GLG1: variants seen among roughly 807,000 people sequenced by gnomAD.
The protein encoded by GLG1 is golgi glycoprotein 1, also known as Golgi apparatus protein 1.
A neutral mutation model predicts 160.5 loss-of-function variants in GLG1; 38 were observed. The ratio of observed to expected loss-of-function variants is 0.24; its 90% CI spans 0.18 to 0.31. The LOEUF (loss-of-function observed/expected upper bound fraction) is 0.31, where lower values mean the gene tolerates loss of function less well. Ranked by LOEUF, GLG1 falls within the 10% of genes least tolerant of loss-of-function variation. The pLI, the probability that GLG1 is intolerant of heterozygous loss-of-function variation, is 1.00. For synonymous variants in GLG1, 644 were observed against 543.4 expected (o/e 1.19, Z -2.57); for missense variants, 1,373 against 1,505.2 (o/e 0.91, Z 1.45).
intron 2 of GLG1, among the ~76,000 whole-genome samples, chr16:74,509,222 G>A (rs999869029): frequency 4.2e-5 from 6 of 143,112 alleles, no homozygotes; most frequent in Non-Finnish European, 9.0e-5. Context: ...GCCCAGGCTG[G>A]AGTGCAACGG....
chr16:74,591,472 C>CA (rs1179808979), intron 1 of GLG1, among the ~76,000 whole-genome samples: 1 of 151,256 alleles, frequency 6.6e-6, no homozygotes, highest in Admixed American at 6.6e-5. Flanking sequence ...ACTAAAAATA[C>CA]AAAAAAATAG....
chr16:74,531,831 T>C (rs368020749), intron 2 of GLG1, among the ~76,000 whole-genome samples: 126 of 152,344 alleles, frequency 8.3e-4, no homozygotes, highest in African/African-American at 3.0e-3. Context: ...GAGAAAACTT[T>C]AAAACAGGAA....
At chr16:74,505,603 C>T (rs1220521192) in intron 3 of GLG1, among the ~76,000 whole-genome samples, 2 of 152,310 alleles carry the variant, frequency 1.3e-5, no homozygotes, top group East Asian at 3.9e-4. Flanking sequence ...GCCTGTAATC[C>T]TAGCACTTTG....
chr16:74,513,985 G>A (rs149094098), intron 2 of GLG1, among the ~76,000 whole-genome samples: 45 of 152,240 alleles, frequency 3.0e-4, no homozygotes, highest in Admixed American at 9.2e-4. Flanking sequence ...CGAGAACTTC[G>A]TGAAGCATAC....
At chr16:74,560,535 G>A (rs2018483143) in intron 1 of GLG1, among the ~76,000 whole-genome samples, 2 of 152,110 alleles carry the variant, frequency 1.3e-5, no homozygotes, top group East Asian at 1.9e-4. Flanking sequence ...GTAGAGATGG[G>A]TTTCAGCATG....
chr16:74,524,173 C>T (rs182980172), intron 2 of GLG1, among the ~76,000 whole-genome samples: 2 of 152,242 alleles, frequency 1.3e-5, no homozygotes, highest in Admixed American at 6.5e-5. Context: ...TGAGCCACTA[C>T]ACTCCAGCCT....
At chr16:74,520,403 G>A (rs1277516130) in intron 2 of GLG1, among the ~76,000 whole-genome samples, 1 of 152,160 alleles carries the variant, frequency 6.6e-6, no homozygotes, top group African/African-American at 2.4e-5. Flanking sequence ...TTGGGAGGCC[G>A]AGGTGTGTGG....
chr16:74,500,102 A>G (rs1341831509), intron 4 of GLG1, among the ~76,000 whole-genome samples: 1 of 152,206 alleles, frequency 6.6e-6, no homozygotes, highest in African/African-American at 2.4e-5. Context: ...AGGGTATTTC[A>G]GGAGTTCCTC....
chr16:74,528,205 T>C (rs956326391), intron 2 of GLG1, among the ~76,000 whole-genome samples: 6 of 152,036 alleles, frequency 3.9e-5, no homozygotes, highest in African/African-American at 1.4e-4. Flanking sequence ...TTCACCATGT[T>C]GGCCAGGCTG....
chr16:74,601,011 G>A (rs1425731447), intron 1 of GLG1, among the ~76,000 whole-genome samples: 2 of 152,086 alleles, frequency 1.3e-5, no homozygotes, highest in East Asian at 3.9e-4. Context: ...GATCAATAAT[G>A]ACTTGATTAT....
At chr16:74,472,304 A>G (rs765855639) in intron 14 of GLG1, 45 bp downstream of exon 14, 2 of 1,323,420 alleles carry the variant, frequency 1.5e-6, no homozygotes, top group South Asian at 2.4e-5. Flanking sequence ...AGTCCCTGTC[A>G]ATTTGTTTCT....
chr16:74,461,342 T>G (rs2014784725), intron 22 of GLG1: 1 of 151,810 alleles, frequency 6.6e-6, no homozygotes, highest in East Asian at 1.9e-4. Context: ...TAATGTTTTT[T>G]TTTTTTAGTA....
chr16:74,560,738 T>C (rs1044223971), intron 1 of GLG1, among the ~76,000 whole-genome samples: 1 of 151,592 alleles, frequency 6.6e-6, no homozygotes, highest in Non-Finnish European at 1.5e-5. Context: ...CCCCAGCTAC[T>C]TGGAGGCTGA....
At chr16:74,543,636 C>A (rs1178072935) in intron 1 of GLG1, among the ~76,000 whole-genome samples, 1 of 152,140 alleles carries the variant, frequency 6.6e-6, no homozygotes, top group Non-Finnish European at 1.5e-5. Context: ...ATAATTACCA[C>A]TATATCAAAC....
chr16:74,457,883 G>A lies in GLG1; in HGVS notation c.3256C>T (p.Arg1086Cys). 1.2e-6 allele frequency: 2 copies of A among 1,613,816 alleles called. No homozygotes were observed. Among genetic ancestry groups the A allele is most frequent in the Non-Finnish European group, 1.7e-6 (2 of 1,179,806 alleles). ...GAACACAGAGACTTACGACGCCCGC[G>A]GCCAGGGGTGATGGCTGCGCAGTGG... ...KHHCAAITPG[R>C]GRQMSCLMEA... Residue 1086 changes from arginine to cysteine, a missense_variant, in exon 24 of 26, where the codon CGC becomes TGC. By Grantham distance (180) the Arg-to-Cys change is radical. This residue lies in a region of GLG1 where 491 missense variants were observed against 632.1 expected (regional missense o/e 0.78). Coordinates refer to ENST00000422840, the MANE Select transcript of GLG1 (RefSeq NM_001145667.2).
At chr16:74,570,891 AC>A (rs2018805895) in intron 1 of GLG1, among the ~76,000 whole-genome samples, 1 of 151,902 alleles carries the variant, frequency 6.6e-6, no homozygotes, top group Non-Finnish European at 1.5e-5. Flanking sequence ...CTGTCCGCCT[AC>A]CACCCGCTGG....
intron 17 of GLG1, 90 bp downstream of exon 17, chr16:74,468,856 T>TA: frequency 1.3e-6 from 1 of 791,292 alleles, no homozygotes; most frequent in Admixed American, 1.8e-5. Context: ...CAGTAGTGGA[T>TA]AAAATGCCTC....
chr16:74,560,987 G>T (rs1347059463), intron 1 of GLG1, among the ~76,000 whole-genome samples: 1 of 152,260 alleles, frequency 6.6e-6, no homozygotes, highest in Non-Finnish European at 1.5e-5. Context: ...ATTTCAAATT[G>T]AATGAATTTT....
chr16:74,562,064 T>C (rs1379528758), intron 1 of GLG1, among the ~76,000 whole-genome samples: 2 of 152,244 alleles, frequency 1.3e-5, no homozygotes, highest in African/African-American at 4.8e-5. Context: ...AAAAGCTTTC[T>C]CATGCAAGAA....
Sources: gnomAD v4.1 joint callset for allele counts (sites outside exome capture counted in the v4.1 genomes callset) on GRCh38, gnomAD v4.1.1 for gene constraint, gnomAD v4.1.1 regional missense constraint, MANE v1.5 for transcripts, NCBI Gene and HGNC (gene_info 2026-07-23, HGNC 2026-07-21) for gene names.